LHFPL6: variants seen among roughly 807,000 people sequenced by gnomAD.
LHFPL6 encodes the protein LHFPL tetraspan subfamily member 6.
A neutral mutation model predicts 20.6 loss-of-function variants in LHFPL6; 9 were observed. The observed-to-expected ratio is 0.44, with a 90% CI of 0.26 to 0.76. LHFPL6 has a LOEUF of 0.76. Ranked by LOEUF, LHFPL6 falls within the 30% of genes least tolerant of loss-of-function variation. The pLI is 0.20. For missense variants in LHFPL6, 218 were observed against 253.5 expected (o/e 0.86, Z 0.95); for synonymous variants, 105 against 98.7 (o/e 1.06, Z -0.38).
At chr13:39,366,019 C>T (rs1189994473) in intron 3 of LHFPL6, among the ~76,000 whole-genome samples, 1 of 152,126 alleles carries the variant, frequency 6.6e-6, no homozygotes, top group Non-Finnish European at 1.5e-5. Context: ...CCTTGAAAAC[C>T]CTAGGGAATC....
At chr13:39,504,368 G>T (rs964385050) in intron 2 of LHFPL6, among the ~76,000 whole-genome samples, 1 of 151,918 alleles carries the variant, frequency 6.6e-6, no homozygotes, top group Admixed American at 6.6e-5. Flanking sequence ...ATCTTAATTC[G>T]ACTGCATATT....
intron 2 of LHFPL6, among the ~76,000 whole-genome samples, chr13:39,577,717 C>T (rs542562476): frequency 2.6e-5 from 4 of 152,148 alleles, no homozygotes; most frequent in East Asian, 1.9e-4. Flanking sequence ...CTGCAACCTC[C>T]GCCTCCCAGG....
At chr13:39,526,342 A>G (rs895494945) in intron 2 of LHFPL6, among the ~76,000 whole-genome samples, 2 of 152,240 alleles carry the variant, frequency 1.3e-5, no homozygotes, top group African/African-American at 4.8e-5. Flanking sequence ...ACAGATATAC[A>G]TGGCAGGGGT....
At chr13:39,364,130 C>T (rs1023903028) in intron 3 of LHFPL6, among the ~76,000 whole-genome samples, 1 of 152,132 alleles carries the variant, frequency 6.6e-6, no homozygotes, top group African/African-American at 2.4e-5. Flanking sequence ...AAGTAAACTA[C>T]TTGTGGAAAT....
chr13:39,438,318 C>G (rs1176676629), intron 2 of LHFPL6, among the ~76,000 whole-genome samples: 1 of 152,154 alleles, frequency 6.6e-6, no homozygotes. Flanking sequence ...AGTAGCAAAG[C>G]ATTCAAGATG....
chr13:39,459,998 C>A (rs976651973), intron 2 of LHFPL6, among the ~76,000 whole-genome samples: 2 of 151,980 alleles, frequency 1.3e-5, no homozygotes, highest in African/African-American at 4.8e-5. Flanking sequence ...AGGATCTTTT[C>A]TTTAAAAAAA....
At chr13:39,500,534 C>T (rs946082431) in intron 2 of LHFPL6, among the ~76,000 whole-genome samples, 2 of 152,088 alleles carry the variant, frequency 1.3e-5, no homozygotes, top group African/African-American at 4.8e-5. Context: ...GCATTATAGG[C>T]ATAAGCCACC....
chr13:39,355,095 A>T (rs1280261843), intron 3 of LHFPL6, among the ~76,000 whole-genome samples: 1 of 148,570 alleles, frequency 6.7e-6, no homozygotes, highest in African/African-American at 2.5e-5. Context: ...TAGTGATCAG[A>T]CTCTCCAAGG....
chr13:39,380,464 C>T (rs1158690961), intron 2 of LHFPL6, among the ~76,000 whole-genome samples: 1 of 150,948 alleles, frequency 6.6e-6, no homozygotes, highest in Non-Finnish European at 1.5e-5. Context: ...CCATTGCTCA[C>T]ATTACCACAT....
At chr13:39,508,271 C>A (rs1253416475) in intron 2 of LHFPL6, among the ~76,000 whole-genome samples, 1 of 152,084 alleles carries the variant, frequency 6.6e-6, no homozygotes, top group Non-Finnish European at 1.5e-5. Flanking sequence ...GTGATCCACC[C>A]GCCTGGGCCT....
At position 39,344,053 on chromosome 13, in the gene LHFPL6, C is replaced by T. The variant is rs1869326089; in HGVS notation, c.486G>A (p.Gly162=). 6.2e-7 allele frequency: 1 copy of T among 1,605,466 alleles called. No individual in the cohort carries two copies. The highest frequency in any genetic ancestry group is 1.1e-5 in the South Asian group (1 of 90,516). The change falls in exon 4 of 4, where the codon GGG becomes GGA. Residue 162 remains glycine (G), a splice_region_variant and synonymous_variant. Transcript: ENST00000379589. The stretch of plus-strand genomic sequence containing the variant: ...AGTAGGCCCAGCCGATTTCACACTT[C>T]CCTAAGGACAAAGGAAGGGGAAAGA... ...CGYTSGQFDL[G]KCEIGWAYYC...
chr13:39,566,302 T>C (rs1020009005), intron 2 of LHFPL6, among the ~76,000 whole-genome samples: 8 of 152,244 alleles, frequency 5.3e-5, no homozygotes, highest in Non-Finnish European at 1.2e-4. Context: ...ATAAGGCAAC[T>C]GGATTTTTCT....
intron 2 of LHFPL6, among the ~76,000 whole-genome samples, chr13:39,477,532 T>A (rs1593328157): frequency 6.6e-6 from 1 of 152,206 alleles, no homozygotes; most frequent in Admixed American, 6.5e-5. Context: ...CTGAATCCCC[T>A]GGGTGCCTGC....
At chr13:39,562,447 C>CATATACATATATACATAT (rs1185334406) in intron 2 of LHFPL6, among the ~76,000 whole-genome samples, 1 of 68,554 alleles carries the variant, frequency 1.5e-5, no homozygotes, top group Admixed American at 1.7e-4. Flanking sequence ...TACATATATA[C>CATATACATATATACATAT]ACATATATAC....
chr13:39,594,131 T>A (rs1309782648), intron 2 of LHFPL6, among the ~76,000 whole-genome samples: 1 of 152,122 alleles, frequency 6.6e-6, no homozygotes, highest in Admixed American at 6.6e-5. Flanking sequence ...CTAATTAAAC[T>A]AAAGAACTTC....
Position 39,455,233 on chromosome 13 carries a change from G to A in LHFPL6, c.386-76707C>T, listed in dbSNP as rs940476515. Among the ~76,000 whole-genome samples the A allele has an allele frequency of 7.2e-5, 11 of 152,180 alleles. No individual in the cohort carries two copies. In the South Asian group the frequency reaches 1.0e-3, roughly 14 times the overall value. ...AATCATTTAACAAAATGTTCTGGGC[G>A]CCCAGAGCATGCAGAATACTCCCCC... On this transcript the variant is annotated intron_variant, in intron 2 of 3. Coordinates refer to ENST00000379589, the MANE Select transcript of LHFPL6 (RefSeq NM_005780.3).
chr13:39,446,822 G>A (rs1195481505), intron 2 of LHFPL6, among the ~76,000 whole-genome samples: 2 of 152,114 alleles, frequency 1.3e-5, no homozygotes, highest in South Asian at 2.1e-4. Flanking sequence ...TCTGGTAAAG[G>A]TTTTGCTTTA....
At chr13:39,430,297 A>G (rs551427158) in intron 2 of LHFPL6, among the ~76,000 whole-genome samples, 113 of 152,336 alleles carry the variant, frequency 7.4e-4, no homozygotes, top group African/African-American at 2.7e-3. Flanking sequence ...AAGCTTGGGC[A>G]TCAAGTAACT....
intron 2 of LHFPL6, among the ~76,000 whole-genome samples, chr13:39,558,780 CCTAT>C (rs1871385383): frequency 6.6e-6 from 1 of 152,154 alleles, no homozygotes; most frequent in Non-Finnish European, 1.5e-5. Flanking sequence ...GGCAGGATAC[CCTAT>C]TTTAGGAAGG....
Sources: allele counts gnomAD v4.1 joint callset (sites outside exome capture counted in the v4.1 genomes callset), GRCh38; gene constraint gnomAD v4.1.1; transcripts MANE v1.5; gene names NCBI Gene and HGNC (gene_info 2026-07-23, HGNC 2026-07-21).